Variants in GNG7 observed in about 807,000 individuals in gnomAD.
GNG7 encodes G protein subunit gamma 7.
GNG7 carries 1 observed loss-of-function variant against 4.0 expected under a neutral mutation model. The ratio of observed to expected loss-of-function variants is 0.25; its 90% CI spans 0.09 to 1.18. The LOEUF is 1.18. GNG7 is among the 50% of genes most tolerant of loss of function. The probability of loss-of-function intolerance (pLI) is 0.50; values close to 1 mark genes in which losing one functional copy is unlikely to be tolerated. For synonymous variants in GNG7, 34 were observed against 36.9 expected (o/e 0.92, Z 0.29); for missense variants, 86 against 91.9 (o/e 0.94, Z 0.26).
chr19:2,541,546 A>G (rs1055291652), intron 3 of GNG7, among the ~76,000 whole-genome samples: 14 of 152,154 alleles, frequency 9.2e-5, no homozygotes, highest in Middle Eastern at 3.4e-3. Context: ...CAGCCTGGCC[A>G]AGATGGTGAA....
intron 2 of GNG7, among the ~76,000 whole-genome samples, chr19:2,604,224 C>A (rs2144815099): frequency 6.6e-6 from 1 of 152,110 alleles, no homozygotes; most frequent in South Asian, 2.1e-4. Context: ...TCTCCCAGCA[C>A]TTTGGGAGGC....
chr19:2,655,576 T>C (rs1286335634), intron 1 of GNG7, among the ~76,000 whole-genome samples: 1 of 151,926 alleles, frequency 6.6e-6, no homozygotes, highest in Non-Finnish European at 1.5e-5. Flanking sequence ...CGGTGGCTCA[T>C]GCCTGTAATC....
intron 1 of GNG7, among the ~76,000 whole-genome samples, chr19:2,691,238 C>T (rs921148403): frequency 6.6e-6 from 1 of 152,102 alleles, no homozygotes; most frequent in Non-Finnish European, 1.5e-5. Flanking sequence ...ATAAAAGAAT[C>T]ATAAAATCAT....
At chr19:2,660,676 A>G (rs555964281) in intron 1 of GNG7, among the ~76,000 whole-genome samples, 1 of 152,314 alleles carries the variant, frequency 6.6e-6, no homozygotes, top group Non-Finnish European at 1.5e-5. Context: ...CTGTAATCAC[A>G]GCTACTTGGA....
chr19:2,656,422 C>T (rs143669080), intron 1 of GNG7, among the ~76,000 whole-genome samples: 3,921 of 152,128 alleles, frequency 0.026, 96 homozygotes, highest in African/African-American at 0.056. Flanking sequence ...GCCAACATGG[C>T]GAAACCCTGT....
intron 1 of GNG7, among the ~76,000 whole-genome samples, chr19:2,650,912 C>G (rs58641595): frequency 0.05 from 7,613 of 152,264 alleles, 390 homozygotes; most frequent in African/African-American, 0.13. Context: ...CAACACGAAC[C>G]GCTGGGACCT....
chr19:2,596,633 C>CA (rs1237397584), intron 2 of GNG7, among the ~76,000 whole-genome samples: 1 of 151,552 alleles, frequency 6.6e-6, no homozygotes, highest in Non-Finnish European at 1.5e-5. Context: ...TATGCCACTG[C>CA]ACTCCAGCCT....
chr19:2,575,870 C>T lies in GNG7; in HGVS notation c.-77-20682G>A, dbSNP rs1344124072. Among the ~76,000 whole-genome samples the T allele has an allele frequency of 2.8e-5, 4 of 143,152 alleles. No homozygotes were observed. The Admixed American group carries it at 2.8e-4, about 10-fold the overall frequency. The allele number at this position is 143,152 out of a possible 152,430, so 93.9% of individuals were successfully genotyped here. A position where few individuals can be genotyped will look rare whatever the true frequency, so the allele number is the denominator to read the frequency against. On this transcript the variant is annotated intron_variant, in intron 2 of 4. Transcript: ENST00000382159. ...GCAGACACGCAGGCACACGCAGACA[C>T]AGGCACACGCAGGCACACGCAGACA...
chr19:2,534,547 T>C (rs1978680453), intron 3 of GNG7, among the ~76,000 whole-genome samples: 1 of 152,226 alleles, frequency 6.6e-6, no homozygotes. Flanking sequence ...TCTCACCCTG[T>C]GGCCTCATGA....
chr19:2,621,830 C>T (rs973901201), intron 2 of GNG7, among the ~76,000 whole-genome samples: 2 of 152,114 alleles, frequency 1.3e-5, no homozygotes, highest in Non-Finnish European at 1.5e-5. Flanking sequence ...AGCCAGAGGA[C>T]GCGGAAGGAT....
At chr19:2,649,545 A>C (rs1982755152) in intron 1 of GNG7, among the ~76,000 whole-genome samples, 1 of 151,198 alleles carries the variant, frequency 6.6e-6, no homozygotes, top group African/African-American at 2.4e-5. Flanking sequence ...ACCTACCACC[A>C]CCCCCGGCTA....
chr19:2,700,897 A>G (rs1913385437), intron 1 of GNG7: 1 of 152,076 alleles, frequency 6.6e-6, no homozygotes, highest in Non-Finnish European at 1.5e-5. Context: ...GCTGACACCT[A>G]GCAACCGTGT....
intron 1 of GNG7, among the ~76,000 whole-genome samples, chr19:2,684,047 G>T (rs1345596867): frequency 6.6e-6 from 1 of 152,008 alleles, no homozygotes; most frequent in East Asian, 1.9e-4. Context: ...GGGGCCGGGC[G>T]CGGTGGCTCA....
intron 3 of GNG7, among the ~76,000 whole-genome samples, chr19:2,553,916 T>G (rs999631218): frequency 6.8e-6 from 1 of 147,590 alleles, no homozygotes; most frequent in Non-Finnish European, 1.5e-5. Flanking sequence ...CATGTGCATA[T>G]TGCATGTAAT....
intron 1 of GNG7, among the ~76,000 whole-genome samples, chr19:2,688,858 G>A (rs1913065972): frequency 6.6e-6 from 1 of 152,076 alleles, no homozygotes; most frequent in African/African-American, 2.4e-5. Flanking sequence ...TTGTGTTCAG[G>A]AGTTCGAGAC....
chr19:2,674,444 G>T (rs933078898), intron 1 of GNG7, among the ~76,000 whole-genome samples: 1 of 151,092 alleles, frequency 6.6e-6, no homozygotes, highest in Non-Finnish European at 1.5e-5. Context: ...TTTTTGTTTT[G>T]TTTTTTTTTG....
rs1008446146 is a variant in GNG7, at chr19:2,556,372, C to T, written c.-77-1184G>A. Among the ~76,000 whole-genome samples, 7 of 152,322 alleles carry T rather than the reference C, an allele frequency of 4.6e-5. No homozygotes were observed. The East Asian group carries it at 5.8e-4, about 13-fold the overall frequency. On this transcript the variant is annotated intron_variant, in intron 2 of 4. Transcript: ENST00000382159. The stretch of plus-strand genomic sequence containing the variant: ...CCCAGGCCCAGCTTCCTGAGCTGCT[C>T]GAGGCCGGGCTGGGCCGGGTTCACG...
intron 1 of GNG7, among the ~76,000 whole-genome samples, chr19:2,670,926 C>T (rs1983435831): frequency 6.6e-6 from 1 of 152,160 alleles, no homozygotes; most frequent in African/African-American, 2.4e-5. Context: ...CAGGAGGCTG[C>T]ACATATTGAT....
At chr19:2,581,892 A>AT (rs2144791755) in intron 2 of GNG7, among the ~76,000 whole-genome samples, 1 of 152,302 alleles carries the variant, frequency 6.6e-6, no homozygotes, top group African/African-American at 2.4e-5. Flanking sequence ...AGGTGAGAAC[A>AT]TTTTGTGGAG....
Sources: gnomAD v4.1 joint callset for allele counts (sites outside exome capture counted in the v4.1 genomes callset) on GRCh38, gnomAD v4.1.1 for gene constraint, MANE v1.5 for transcripts, NCBI Gene and HGNC (gene_info 2026-07-23, HGNC 2026-07-21) for gene names.